The following PAGE2B variants were observed in gnomAD, a reference collection of about 807,000 sequenced individuals.
PAGE2B encodes putative G antigen family E member 3.
PAGE2B carries 5 observed loss-of-function variants against 7.6 expected under a neutral mutation model. That is an observed-to-expected ratio of 0.66 (90% CI 0.34 to 1.38). The LOEUF (loss-of-function observed/expected upper bound fraction) is 1.38, where lower values mean the gene tolerates loss of function less well. Among genes scored for constraint, PAGE2B ranks in the 40% most tolerant of loss-of-function variants. The pLI is 0.04. For missense variants in PAGE2B, 70 were observed against 78.4 expected (o/e 0.89, Z 0.41); for synonymous variants, 29 against 26.7 (o/e 1.09, Z -0.27).
the PAGE2B span, among the ~76,000 whole-genome samples, chrX:55,038,791 A>G: frequency 1.8e-5 from 2 of 111,714 alleles, no homozygotes; most frequent in African/African-American, 3.2e-5. Flanking sequence ...TTTTATGGTT[A>G]GAAGTTTGTT....
the PAGE2B span, among the ~76,000 whole-genome samples, chrX:55,063,998 T>C: frequency 9.0e-6 from 1 of 111,410 alleles, no homozygotes; most frequent in Non-Finnish European, 1.9e-5. Flanking sequence ...TATTCATCAG[T>C]GATATTGGCC....
At chrX:55,057,797 C>T in the PAGE2B span, among the ~76,000 whole-genome samples, 4 of 111,722 alleles carry the variant, frequency 3.6e-5, no homozygotes, top group Non-Finnish European at 3.8e-5. Flanking sequence ...AAGAGTTCTA[C>T]GAAAATGCAA....
chrX:55,076,239 G>T, intron 2 of PAGE2B, 114 bp downstream of exon 2: 1 of 880,575 alleles, frequency 1.1e-6, no homozygotes, highest in Non-Finnish European at 1.6e-6. Flanking sequence ...AAATGATGAT[G>T]GCATCTCATG....
chrX:55,050,220 A>G, the PAGE2B span, among the ~76,000 whole-genome samples: 2 of 111,876 alleles, frequency 1.8e-5, no homozygotes, highest in African/African-American at 6.5e-5. Context: ...GGAGAGCTTT[A>G]CTTCCAACTA....
At chrX:55,075,957 C>T in intron 1 of PAGE2B, 77 bp from the exon 2 acceptor site, 1 of 949,585 alleles carries the variant, frequency 1.1e-6, no homozygotes, top group Non-Finnish European at 1.4e-6. Flanking sequence ...ATACAAATCA[C>T]CATTTTGCCA....
the PAGE2B span, among the ~76,000 whole-genome samples, chrX:55,069,733 C>G: frequency 9.0e-6 from 1 of 111,506 alleles, no homozygotes; most frequent in African/African-American, 3.3e-5. Flanking sequence ...TGTTATTGGT[C>G]TATTCAGGGA....
the PAGE2B span, among the ~76,000 whole-genome samples, chrX:55,059,773 C>T: frequency 9.0e-6 from 1 of 111,328 alleles, no homozygotes; most frequent in Non-Finnish European, 1.9e-5. Context: ...TCCCCATTTC[C>T]TACAACCTCC....
At chrX:55,067,338 A>G in the PAGE2B span, among the ~76,000 whole-genome samples, 1 of 110,999 alleles carries the variant, frequency 9.0e-6, no homozygotes, top group African/African-American at 3.3e-5. Context: ...TTTGCTGAGA[A>G]TGATGGTTTT....
chrX:55,051,832 C>T, the PAGE2B span, among the ~76,000 whole-genome samples: 2 of 112,312 alleles, frequency 1.8e-5, no homozygotes, highest in African/African-American at 6.5e-5. Flanking sequence ...CTCCATCCAG[C>T]TTTGTTCCAT....
At chrX:55,028,507 TGGA>T in the PAGE2B span, among the ~76,000 whole-genome samples, 1 of 111,530 alleles carries the variant, frequency 9.0e-6, no homozygotes, top group Non-Finnish European at 1.9e-5. Flanking sequence ...CTTGGGATGG[TGGA>T]GAAGACCTAC....
chrX:55,065,804 A>C, the PAGE2B span, among the ~76,000 whole-genome samples: 1 of 112,338 alleles, frequency 8.9e-6, no homozygotes, highest in African/African-American at 3.2e-5. Flanking sequence ...TGATTGCATA[A>C]AAAACCCAAC....
the PAGE2B span, among the ~76,000 whole-genome samples, chrX:55,046,575 G>A: frequency 8.9e-6 from 1 of 112,345 alleles, no homozygotes; most frequent in Non-Finnish European, 1.9e-5. Flanking sequence ...CAGGAAGAAA[G>A]CAAGCATAGG....
chrX:55,047,600 G>C, the PAGE2B span, among the ~76,000 whole-genome samples: 3 of 111,442 alleles, frequency 2.7e-5, 1 homozygote, highest in South Asian at 7.5e-4. Flanking sequence ...ACTTTCTAAC[G>C]ATCGCCATTC....
chrX:55,061,481 A>G, the PAGE2B span, among the ~76,000 whole-genome samples: 1 of 110,812 alleles, frequency 9.0e-6, no homozygotes, highest in South Asian at 3.9e-4. Context: ...TAGTAGGTAT[A>G]TGTATTTGTG....
the PAGE2B span, among the ~76,000 whole-genome samples, chrX:55,066,469 G>A: frequency 8.9e-6 from 1 of 112,223 alleles, no homozygotes; most frequent in East Asian, 2.8e-4. Context: ...TGTAGGACAT[G>A]TCTGGAGTTG....
At chrX:55,035,974 C>A in the PAGE2B span, among the ~76,000 whole-genome samples, 10 of 111,370 alleles carry the variant, frequency 9.0e-5, no homozygotes, top group Admixed American at 3.8e-4. Context: ...CTTTTATTTC[C>A]TTGAGCAGTG....
the PAGE2B span, among the ~76,000 whole-genome samples, chrX:55,042,780 A>G: frequency 1.8e-5 from 2 of 109,385 alleles, no homozygotes; most frequent in Non-Finnish European, 3.8e-5. Context: ...GCCAAATGCA[A>G]TCTACAAATT....
At chrX:55,043,778 C>G in the PAGE2B span, among the ~76,000 whole-genome samples, 1 of 109,760 alleles carries the variant, frequency 9.1e-6, no homozygotes, top group Non-Finnish European at 1.9e-5. Flanking sequence ...GACAGAATGA[C>G]CAACCTGGAG....
chrX:55,066,008 C>T, the PAGE2B span, among the ~76,000 whole-genome samples: 13 of 112,490 alleles, frequency 1.2e-4, no homozygotes. Context: ...TACAGTGTTA[C>T]ATTTTGTGTT....
Sources: allele counts gnomAD v4.1 joint callset (sites outside exome capture counted in the v4.1 genomes callset), GRCh38; gene constraint gnomAD v4.1.1; transcripts MANE v1.5; gene names NCBI Gene and HGNC (gene_info 2026-07-23, HGNC 2026-07-21).